The following LVRN variants were observed in gnomAD, a reference collection of about 807,000 sequenced individuals.
LVRN encodes the protein aminopeptidase Q.
LVRN carries 99 observed loss-of-function variants against 111.4 expected under a neutral mutation model. The ratio of observed to expected loss-of-function variants is 0.89; its 90% CI spans 0.76 to 1.05. The LOEUF is 1.05. LVRN is among the 50% of genes least tolerant of loss of function. LVRN has a pLI of 0.00. For synonymous variants in LVRN, 488 were observed against 449.5 expected, an observed-to-expected ratio of 1.09 and a Z score of -1.08; for missense variants, 1,414 against 1,206.8, an observed-to-expected ratio of 1.17 and a Z score of -2.54.
intron 14 of LVRN, among the ~76,000 whole-genome samples, chr5:116,011,609 G>A (rs1488285761): frequency 6.6e-6 from 1 of 152,122 alleles, no homozygotes; most frequent in East Asian, 1.9e-4. Context: ...CAGAGGGTGA[G>A]ATCACAAATA....
intron 4 of LVRN, among the ~76,000 whole-genome samples, chr5:115,988,540 GT>G (rs1383448842): frequency 2.0e-5 from 3 of 152,088 alleles, no homozygotes; most frequent in African/African-American, 7.2e-5. Flanking sequence ...GTTGTTCATT[GT>G]TTTTTCTCTA....
intron 6 of LVRN, among the ~76,000 whole-genome samples, chr5:115,999,099 C>A (rs1000723826): frequency 1.3e-5 from 2 of 152,172 alleles, no homozygotes; most frequent in African/African-American, 4.8e-5. Context: ...CTGGTCTTTG[C>A]TCTAGCTCTT....
intron 4 of LVRN, among the ~76,000 whole-genome samples, chr5:115,989,057 A>C (rs1364237494): frequency 6.6e-6 from 1 of 151,934 alleles, no homozygotes; most frequent in Non-Finnish European, 1.5e-5. Context: ...CCTAGTTTTC[A>C]TCATCATCTC....
intron 5 of LVRN, 30 bp downstream of exon 5, chr5:115,992,307 C>T (rs763004476): frequency 8.1e-6 from 13 of 1,612,318 alleles, no homozygotes; most frequent in African/African-American, 1.3e-5. Context: ...TTTTATTTCA[C>T]TTGAAGTTAT....
At chr5:115,993,574 AAAC>A (rs1748041950) in intron 5 of LVRN, among the ~76,000 whole-genome samples, 164 bp from the exon 6 acceptor site, 2 of 152,228 alleles carry the variant, frequency 1.3e-5, no homozygotes, top group Admixed American at 1.3e-4. Context: ...ATTTATGTGA[AAAC>A]AACAACTTGC....
intron 3 of LVRN, among the ~76,000 whole-genome samples, chr5:115,985,940 C>T (rs781721110): frequency 7.2e-5 from 11 of 152,196 alleles, no homozygotes; most frequent in Non-Finnish European, 1.5e-4. Context: ...CAAGGTCTTC[C>T]AGGCTTGCAC....
intron 1 of LVRN, among the ~76,000 whole-genome samples, chr5:115,971,392 G>A (rs6594919): frequency 0.8 from 121,388 of 152,006 alleles, 48,665 homozygotes; most frequent in African/African-American, 0.84. Context: ...TGTTGTATCT[G>A]TGAAAACATT....
intron 15 of LVRN, 67 bp from the exon 16 acceptor site, chr5:116,014,353 C>T: frequency 9.1e-7 from 1 of 1,097,896 alleles, no homozygotes; most frequent in Non-Finnish European, 1.4e-6. Context: ...AACACATATT[C>T]TTGGAGGCAG....
intron 6 of LVRN, among the ~76,000 whole-genome samples, chr5:115,997,260 C>T (rs891891291): frequency 1.1e-4 from 16 of 151,980 alleles, no homozygotes; most frequent in African/African-American, 2.9e-4. Flanking sequence ...CCTAAAGGGC[C>T]GAGGAAGGAT....
chr5:115,966,852 G>T (rs1005182609), intron 1 of LVRN, among the ~76,000 whole-genome samples: 1 of 152,134 alleles, frequency 6.6e-6, no homozygotes, highest in African/African-American at 2.4e-5. Context: ...TAGGTGTATG[G>T]TAATATCTCA....
At chr5:115,979,638 G>C (rs1753521682) in intron 1 of LVRN, among the ~76,000 whole-genome samples, 2 of 152,120 alleles carry the variant, frequency 1.3e-5, no homozygotes, top group Non-Finnish European at 2.9e-5. Flanking sequence ...GTTGCCTGGT[G>C]AAAACTTCAG....
At chr5:116,019,707 G>A (rs1237911272) in intron 18 of LVRN, among the ~76,000 whole-genome samples, 1 of 152,162 alleles carries the variant, frequency 6.6e-6, no homozygotes, top group African/African-American at 2.4e-5. Context: ...TCATGAGTAC[G>A]AGCAGAGGGG....
At chr5:115,983,122 A>G (rs1245547454) in intron 1 of LVRN, among the ~76,000 whole-genome samples, 165 bp from the exon 2 acceptor site, 2 of 152,192 alleles carry the variant, frequency 1.3e-5, no homozygotes, top group South Asian at 2.1e-4. Context: ...CTAAGGTGCC[A>G]TGATAATTGG....
intron 18 of LVRN, among the ~76,000 whole-genome samples, chr5:116,020,806 G>A (rs1748711647): frequency 6.6e-6 from 1 of 152,200 alleles, no homozygotes. Flanking sequence ...AATGTGAGAA[G>A]AAGGAGAGGC....
At position 115,962,831 on chromosome 5, in the gene LVRN, C is replaced by T; in HGVS notation, c.214C>T (p.Pro72Ser). Reference protein sequence around the residue: ...LRQKPTPTPKPSSARELAVTT... With the variant: ...LRQKPTPTPKSSSARELAVTT... ...GCAGAAGCCGACGCCAACCCCGAAA[C>T]CCAGCAGTGCACGCGAGCTAGCGGT... The change falls in exon 1 of 20, where the codon CCC becomes TCC. Residue 72 changes from proline (P) to serine (S), a missense_variant. Transcript: ENST00000357872. 6.2e-7 allele frequency: 1 copy of T among 1,612,980 alleles called. No individual in the cohort carries two copies. The highest frequency in any genetic ancestry group is 8.5e-7 in the Non-Finnish European group (1 of 1,179,718).
intron 13 of LVRN, among the ~76,000 whole-genome samples, chr5:116,007,506 C>G (rs1748399584): frequency 6.6e-6 from 1 of 152,194 alleles, no homozygotes; most frequent in South Asian, 2.1e-4. Context: ...CTTGACTTTT[C>G]TATCTTATCC....
At chr5:115,989,014 A>G (rs1747927289) in intron 4 of LVRN, among the ~76,000 whole-genome samples, 1 of 152,044 alleles carries the variant, frequency 6.6e-6, no homozygotes, top group South Asian at 2.1e-4. Flanking sequence ...ACATCCATCC[A>G]TCCACTCACT....
At chr5:116,019,446 G>C (rs1350945813) in intron 18 of LVRN, among the ~76,000 whole-genome samples, 1 of 152,018 alleles carries the variant, frequency 6.6e-6, no homozygotes, top group Non-Finnish European at 1.5e-5. Flanking sequence ...TTTACAACAG[G>C]GTTCACTCTT....
intron 18 of LVRN, among the ~76,000 whole-genome samples, chr5:116,017,426 C>G (rs1319157084): frequency 6.6e-6 from 1 of 152,192 alleles, no homozygotes; most frequent in Admixed American, 6.5e-5. Flanking sequence ...TATTGGAGGT[C>G]AATTCTAGAA....
Sources: allele counts gnomAD v4.1 joint callset (sites outside exome capture counted in the v4.1 genomes callset), GRCh38; gene constraint gnomAD v4.1.1; transcripts MANE v1.5; gene names NCBI Gene and HGNC (gene_info 2026-07-23, HGNC 2026-07-21).